MAD1L1: variants seen among roughly 807,000 people sequenced by gnomAD.
MAD1L1 encodes mitotic spindle assembly checkpoint protein MAD1.
In MAD1L1, 95 loss-of-function variants were observed where a neutral mutation model predicts 96.9. The observed-to-expected ratio is 0.98, with a 90% confidence interval of 0.83 to 1.16. MAD1L1 has a LOEUF of 1.16. Ranked by LOEUF, MAD1L1 falls within the 50% of genes most tolerant of loss-of-function variation. MAD1L1 has a pLI of 0.00. For synonymous variants in MAD1L1, 473 were observed against 396.6 expected (o/e 1.19, Z -2.29); for missense variants, 1,007 against 954.4 (o/e 1.06, Z -0.73).
intron 11 of MAD1L1, among the ~76,000 whole-genome samples, chr7:2,093,275 A>C (rs943582078): frequency 5.5e-4 from 82 of 148,456 alleles, no homozygotes; most frequent in African/African-American, 2.0e-3. Context: ...ATTCAGAGGG[A>C]GGGCAGTACA....
At chr7:1,877,589 A>T (rs1427092409) in intron 18 of MAD1L1, among the ~76,000 whole-genome samples, 1 of 152,194 alleles carries the variant, frequency 6.6e-6, no homozygotes, top group Non-Finnish European at 1.5e-5. Context: ...AATGGCATAG[A>T]TTATCAGTCT....
Position 1,999,899 on chromosome 7 carries a change from T to C in MAD1L1, c.1416+2166A>G, listed in dbSNP as rs534763596. Among the ~76,000 whole-genome samples, 6 of 152,246 alleles carry C rather than the reference T, an allele frequency of 3.9e-5. No individual in the cohort carries two copies. The East Asian group carries it at 1.2e-3, about 29-fold the overall frequency. ...CTGAAAACACTTCCTTCTCCAGGGC[T>C]CTGTGACTGCACCTGCCCTCCACGG... On this transcript the variant is annotated intron_variant, in intron 14 of 18. Transcript: ENST00000265854.
chr7:1,855,465 C>T (rs912883088), intron 18 of MAD1L1, among the ~76,000 whole-genome samples: 11 of 152,198 alleles, frequency 7.2e-5, no homozygotes, highest in South Asian at 4.1e-4. Flanking sequence ...TGCACCTCAA[C>T]GCCTGGCCTG....
At chr7:1,969,977 CAT>C (rs1272069907) in intron 15 of MAD1L1, among the ~76,000 whole-genome samples, 1 of 152,240 alleles carries the variant, frequency 6.6e-6, no homozygotes, top group Admixed American at 6.5e-5. Context: ...CAGGGAGACT[CAT>C]AGCTCCTGAC....
intron 11 of MAD1L1, among the ~76,000 whole-genome samples, chr7:2,126,354 C>T (rs983771337): frequency 5.9e-5 from 9 of 152,194 alleles, no homozygotes; most frequent in Non-Finnish European, 1.2e-4. Context: ...TCAATAAACA[C>T]ACAGGCACTC....
intron 6 of MAD1L1, 110 bp from the exon 7 acceptor site, chr7:2,218,153 C>T (rs2114999280): frequency 1.2e-6 from 1 of 815,028 alleles, no homozygotes; most frequent in Non-Finnish European, 2.1e-6. Context: ...TCATTCCCAC[C>T]CCAAGGTTCA....
intron 10 of MAD1L1, among the ~76,000 whole-genome samples, chr7:2,159,576 T>C (rs997171788): frequency 1.7e-4 from 26 of 152,352 alleles, no homozygotes; most frequent in African/African-American, 6.0e-4. Context: ...GACTGTTTTT[T>C]ATTTTGTTCT....
intron 10 of MAD1L1, among the ~76,000 whole-genome samples, chr7:2,199,868 G>A (rs762184165): frequency 2.0e-5 from 3 of 152,240 alleles, no homozygotes; most frequent in Non-Finnish European, 2.9e-5. Context: ...CCCACACTCC[G>A]CACCATCCAG....
At chr7:2,159,527 T>A (rs1424403877) in intron 10 of MAD1L1, among the ~76,000 whole-genome samples, 2 of 152,228 alleles carry the variant, frequency 1.3e-5, no homozygotes, top group Non-Finnish European at 2.9e-5. Context: ...TTTAGTGTCT[T>A]TCCCCCTCCA....
intron 10 of MAD1L1, among the ~76,000 whole-genome samples, chr7:2,212,357 C>T (rs1443498418): frequency 2.0e-5 from 3 of 152,236 alleles, no homozygotes; most frequent in East Asian, 1.9e-4. Context: ...ACCAGACAAT[C>T]GTCTTCCACT....
intron 18 of MAD1L1, among the ~76,000 whole-genome samples, chr7:1,825,044 G>A (rs1037949677): frequency 7.9e-5 from 12 of 152,174 alleles, no homozygotes; most frequent in African/African-American, 2.7e-4. Context: ...GGAGTGCTGG[G>A]ACGGAAAGTG....
At chr7:2,141,362 C>T (rs1291193311) in intron 11 of MAD1L1, among the ~76,000 whole-genome samples, 3 of 152,268 alleles carry the variant, frequency 2.0e-5, no homozygotes, top group African/African-American at 7.2e-5. Context: ...GCTGGACCCC[C>T]TCTCAGGAGA....
intron 18 of MAD1L1, among the ~76,000 whole-genome samples, chr7:1,866,574 C>T (rs1336257320): frequency 6.6e-6 from 1 of 152,170 alleles, no homozygotes; most frequent in Admixed American, 6.5e-5. Flanking sequence ...TCAGGGAGCG[C>T]TACAGAGAAG....
At chr7:2,133,845 A>G (rs1253606888) in intron 11 of MAD1L1, among the ~76,000 whole-genome samples, 3 of 152,156 alleles carry the variant, frequency 2.0e-5, no homozygotes, top group South Asian at 4.1e-4. Flanking sequence ...TCAGCCGAGT[A>G]TATCTGTGTG....
chr7:2,011,146 C>A (rs573802357), intron 13 of MAD1L1, among the ~76,000 whole-genome samples: 10 of 152,062 alleles, frequency 6.6e-5, no homozygotes, highest in Admixed American at 6.5e-4. Context: ...ACCCCCCGAC[C>A]GTGAGGAGAA....
Position 1,957,625 on chromosome 7 carries a change from TCACCTG to T in MAD1L1, c.1594_1596+3del. On this transcript the variant is annotated splice_donor_variant and splice_donor_region_variant and coding_sequence_variant and intron_variant, in exon 16 of 19. Transcript: ENST00000265854. LOFTEE classifies it high-confidence loss of function. Reference sequence around the variant, plus strand: ...GCCTCACCCAGAGGCTGCCCCGCCCTCACCTGCAGAGCTCGCCGCTCCAGCTGTGCC... The same window carrying T: ...GCCTCACCCAGAGGCTGCCCCGCCCTCAGAGCTCGCCGCTCCAGCTGTGCC... 6.2e-7 allele frequency: 1 copy of T among 1,613,728 alleles called. No homozygotes were observed.
chr7:2,108,777 G>A (rs745434158), intron 11 of MAD1L1, among the ~76,000 whole-genome samples: 4 of 152,280 alleles, frequency 2.6e-5, no homozygotes, highest in Admixed American at 6.5e-5. Flanking sequence ...CTGGGGAAAC[G>A]GCTCAGCCTC....
At chr7:2,053,222 G>C (rs117845816) in intron 12 of MAD1L1, among the ~76,000 whole-genome samples, 1 of 152,226 alleles carries the variant, frequency 6.6e-6, no homozygotes, top group Non-Finnish European at 1.5e-5. Flanking sequence ...CCTGGTAGCA[G>C]GCCCTTCCTG....
At chr7:2,039,142 T>G (rs1179781034) in intron 12 of MAD1L1, among the ~76,000 whole-genome samples, 2 of 152,254 alleles carry the variant, frequency 1.3e-5, no homozygotes, top group East Asian at 3.8e-4. Flanking sequence ...CTTCAGGGAC[T>G]GGGCTCTTCG....
Sources: gnomAD v4.1 joint callset for allele counts (sites outside exome capture counted in the v4.1 genomes callset) on GRCh38, gnomAD v4.1.1 for gene constraint, MANE v1.5 for transcripts, NCBI Gene and HGNC (gene_info 2026-07-23, HGNC 2026-07-21) for gene names.